CCNB3: variants seen among roughly 807,000 people sequenced by gnomAD.
The protein encoded by CCNB3 is G2/mitotic-specific cyclin-B3.
Under a neutral mutation model 68.0 loss-of-function variants are expected in CCNB3, and 12 were observed. That is an observed-to-expected ratio of 0.18 (90% CI 0.11 to 0.29). The LOEUF (loss-of-function observed/expected upper bound fraction) is 0.29. Among genes scored for constraint, CCNB3 ranks in the 10% least tolerant of loss-of-function variants. The pLI is 1.00. For missense variants in CCNB3, 904 were observed against 993.1 expected, an observed-to-expected ratio of 0.91 and a Z score of 1.21; for synonymous variants, 354 against 388.9, an observed-to-expected ratio of 0.91 and a Z score of 1.06.
intron 3 of CCNB3, among the ~76,000 whole-genome samples, chrX:50,287,916 G>C: frequency 9.1e-6 from 1 of 109,808 alleles, no homozygotes; most frequent in Non-Finnish European, 1.9e-5. Flanking sequence ...TCCACCTCCT[G>C]TCAGATCAGC....
chrX:50,226,258 TTA>T (rs1462091744), intron 1 of CCNB3, among the ~76,000 whole-genome samples: 76 of 61,214 alleles, frequency 1.2e-3, no homozygotes, highest in Non-Finnish European at 1.6e-3. Context: ...ATATATATAT[TTA>T]TATATATAGA....
chrX:50,316,018 A>G (rs1172216537), intron 8 of CCNB3, among the ~76,000 whole-genome samples: 2 of 111,277 alleles, frequency 1.8e-5, no homozygotes, highest in East Asian at 2.8e-4. Flanking sequence ...TCCACACCCA[A>G]ATCTTATCTT....
chrX:50,228,860 AAT>A (rs1195034668), intron 1 of CCNB3, among the ~76,000 whole-genome samples: 1 of 73,052 alleles, frequency 1.4e-5, no homozygotes, highest in Non-Finnish European at 2.4e-5. Context: ...ATATATCTAG[AAT>A]ATATATGTAG....
chrX:50,332,728 C>G (rs1386887274), intron 8 of CCNB3, among the ~76,000 whole-genome samples: 1 of 111,678 alleles, frequency 9.0e-6, no homozygotes, highest in Non-Finnish European at 1.9e-5. Flanking sequence ...GTCCTTTCCA[C>G]TGTGGCCGCA....
chrX:50,216,351 C>T (rs1935572488), intron 1 of CCNB3, among the ~76,000 whole-genome samples: 1 of 109,631 alleles, frequency 9.1e-6, no homozygotes, highest in Non-Finnish European at 1.9e-5. Flanking sequence ...TCAGTGCAAC[C>T]TCTGCCTCCC....
At chrX:50,205,095 C>A (rs1184367983) in intron 1 of CCNB3, 145 bp downstream of exon 1, 2 of 111,808 alleles carry the variant, frequency 1.8e-5, no homozygotes, top group African/African-American at 6.5e-5. Flanking sequence ...TAGTTTATTT[C>A]CTCCCTGTCA....
chrX:50,226,931 A>G (rs1935850974), intron 1 of CCNB3, among the ~76,000 whole-genome samples: 1 of 75,776 alleles, frequency 1.3e-5, no homozygotes, highest in East Asian at 3.7e-4. Context: ...TAGAATATAT[A>G]TAGTATATAT....
intron 6 of CCNB3, 55 bp from the exon 7 acceptor site, chrX:50,312,482 T>C: frequency 1.0e-6 from 1 of 952,545 alleles, no homozygotes; most frequent in South Asian, 2.0e-5. Flanking sequence ...ATGTATGTGC[T>C]AAGTCTTCCT....
chrX:50,333,918 T>A (rs1319570947), intron 8 of CCNB3, among the ~76,000 whole-genome samples: 4 of 111,754 alleles, frequency 3.6e-5, no homozygotes, highest in African/African-American at 1.3e-4. Context: ...GAATTTCTTG[T>A]TGATATTTTA....
At chrX:50,281,055 C>A (rs1936127873) in intron 1 of CCNB3, among the ~76,000 whole-genome samples, 1 of 110,976 alleles carries the variant, frequency 9.0e-6, no homozygotes, top group Admixed American at 9.6e-5. Flanking sequence ...GGCCACCGCG[C>A]CTGGCCAAAA....
chrX:50,284,728 G>T (rs57816053), intron 2 of CCNB3, 112 bp downstream of exon 2: 268 of 148,083 alleles, frequency 1.8e-3, no homozygotes, highest in African/African-American at 7.9e-3. Flanking sequence ...GAGCTGTCAT[G>T]TTCTTCCTTG....
At chrX:50,350,588 A>T (rs1212051406) in intron 11 of CCNB3, among the ~76,000 whole-genome samples, 1 of 111,741 alleles carries the variant, frequency 8.9e-6, no homozygotes, top group African/African-American at 3.3e-5. Context: ...TCTGGGGTTT[A>T]CCTGGCCATT....
intron 8 of CCNB3, among the ~76,000 whole-genome samples, chrX:50,331,967 A>AT (rs1569543342): frequency 9.0e-6 from 1 of 110,853 alleles, no homozygotes; most frequent in African/African-American, 3.3e-5. Context: ...GATCCTTTTC[A>AT]TTTTTTTATC....
intron 1 of CCNB3, among the ~76,000 whole-genome samples, chrX:50,224,833 TAAATTCCAG>T (rs1305110692): frequency 8.9e-6 from 1 of 111,810 alleles, no homozygotes; most frequent in Non-Finnish European, 1.9e-5. Context: ...TACTTGTGTT[TAAATTCCAG>T]TCTGATCACT....
At position 50,279,126 on chromosome X, in the gene CCNB3, AT is replaced by A. The variant is rs1205749481; in HGVS notation, c.-112-5414del. On this transcript the variant is annotated intron_variant, in intron 1 of 12. Transcript: ENST00000376042. ...TTCCATATATAAATATATAGAATATATTATATTCATATATAAATATATAGAA... is the reference window on the plus strand; with the variant it reads ...TTCCATATATAAATATATAGAATATATATATTCATATATAAATATATAGAA... Among the ~76,000 whole-genome samples the A allele has an allele frequency of 8.0e-5, 5 of 62,121 alleles. No homozygotes were observed. The East Asian group carries it at 2.5e-3, about 31-fold the overall frequency. The allele number at this position is 62,121 out of a possible 115,157, so 53.9% of individuals were successfully genotyped here.
chrX:50,226,531 A>G (rs1460672609), intron 1 of CCNB3, among the ~76,000 whole-genome samples: 6 of 75,055 alleles, frequency 8.0e-5, no homozygotes, highest in African/African-American at 3.2e-4. Context: ...ATATATATAT[A>G]GAATATATGA....
chrX:50,289,570 T>C (rs1172808712), intron 4 of CCNB3, among the ~76,000 whole-genome samples: 1 of 111,809 alleles, frequency 8.9e-6, no homozygotes, highest in Non-Finnish European at 1.9e-5. Flanking sequence ...AAAATAATAA[T>C]AACTGGTACA....
chrX:50,330,886 A>G (rs12006879), intron 8 of CCNB3, among the ~76,000 whole-genome samples: 3,265 of 112,028 alleles, frequency 0.029, 108 homozygotes, highest in African/African-American at 0.099. Flanking sequence ...TTGAGAGCCA[A>G]TCTCTTTTGA....
Position 50,294,855 on chromosome X carries a change from T to C in CCNB3, c.205-8T>C. ...CCCCTGCCCCCCAACCCACCTTTTT[T>C]TTTGCAGGCTTCTCAATGTCAACCT... is the stretch of plus-strand genomic sequence containing the variant. On this transcript the variant is annotated splice_polypyrimidine_tract_variant and splice_region_variant and intron_variant, in intron 4 of 12. Transcript: ENST00000376042. 3 of 1,184,170 alleles carry C rather than the reference T, an allele frequency of 2.5e-6. No homozygotes were observed. The highest frequency in any genetic ancestry group is 3.4e-6 in the Non-Finnish European group (3 of 881,849).
Sources: gnomAD v4.1 joint callset for allele counts (sites outside exome capture counted in the v4.1 genomes callset) on GRCh38, gnomAD v4.1.1 for gene constraint, MANE v1.5 for transcripts, NCBI Gene and HGNC (gene_info 2026-07-23, HGNC 2026-07-21) for gene names.